Variants in DLG2 observed in about 807,000 individuals in gnomAD.
The protein encoded by DLG2 is disks large homolog 2.
DLG2 carries 45 observed loss-of-function variants against 132.5 expected under a neutral mutation model. The observed-to-expected ratio is 0.34, with a 90% CI of 0.27 to 0.44. The LOEUF is 0.44. DLG2 is among the 20% of genes least tolerant of loss of function. DLG2 has a pLI of 1.00. For synonymous variants in DLG2, 424 were observed against 419.6 expected, an observed-to-expected ratio of 1.01 and a Z score of -0.13; for missense variants, 1,045 against 1,196.9, an observed-to-expected ratio of 0.87 and a Z score of 1.87.
chr11:84,212,750 C>T (rs532338773), intron 8 of DLG2, among the ~76,000 whole-genome samples: 8 of 152,272 alleles, frequency 5.3e-5, no homozygotes, highest in Non-Finnish European at 7.4e-5. Context: ...ACCTCCGCCT[C>T]CCGGTTCAAG....
intron 11 of DLG2, among the ~76,000 whole-genome samples, chr11:84,012,952 T>C (rs553331489): frequency 5.3e-5 from 8 of 151,952 alleles, no homozygotes; most frequent in Non-Finnish European, 4.4e-5. Flanking sequence ...ATGTTATTAC[T>C]TCTATCAACA....
At chr11:83,533,314 G>C (rs1266496786) in intron 20 of DLG2, among the ~76,000 whole-genome samples, 2 of 152,094 alleles carry the variant, frequency 1.3e-5, no homozygotes, top group African/African-American at 4.8e-5. Flanking sequence ...TTGTTTTCCT[G>C]CTACCTCATT....
chr11:85,555,836 G>C (rs1158625794), intron 3 of DLG2, among the ~76,000 whole-genome samples: 1 of 151,774 alleles, frequency 6.6e-6, no homozygotes, highest in Non-Finnish European at 1.5e-5. Context: ...CTCCAGGCGA[G>C]TGCCCTTTGG....
intron 11 of DLG2, among the ~76,000 whole-genome samples, chr11:84,052,878 C>G (rs954598525): frequency 6.6e-6 from 1 of 151,788 alleles, no homozygotes; most frequent in Non-Finnish European, 1.5e-5. Flanking sequence ...GACCTAAAGG[C>G]AGATGTACCA....
intron 7 of DLG2, among the ~76,000 whole-genome samples, chr11:84,506,152 T>C (rs2099239769): frequency 1.4e-5 from 2 of 144,670 alleles, no homozygotes; most frequent in African/African-American, 5.4e-5. Flanking sequence ...CTCGGCTCAC[T>C]GCAAGCTCCG....
chr11:85,428,310 TCAAC>T (rs1448409869), intron 3 of DLG2, among the ~76,000 whole-genome samples: 2 of 152,126 alleles, frequency 1.3e-5, no homozygotes, highest in Non-Finnish European at 2.9e-5. Context: ...CCACCCCAAA[TCAAC>T]AGAATATACA....
chr11:84,902,150 G>A (rs777771309), intron 6 of DLG2, among the ~76,000 whole-genome samples: 93 of 152,026 alleles, frequency 6.1e-4, no homozygotes, highest in Admixed American at 1.7e-3. Flanking sequence ...AAATCTGGAC[G>A]CAGGCCTTGT....
intron 7 of DLG2, among the ~76,000 whole-genome samples, chr11:84,291,780 C>T (rs979866888): frequency 4.6e-5 from 7 of 152,170 alleles, no homozygotes; most frequent in African/African-American, 9.7e-5. Flanking sequence ...TAAAATGGAA[C>T]TAATATCTTC....
chr11:84,813,056 C>T (rs1049360108), intron 6 of DLG2, among the ~76,000 whole-genome samples: 2 of 152,028 alleles, frequency 1.3e-5, no homozygotes, highest in African/African-American at 2.4e-5. Flanking sequence ...GGCTGTTTAT[C>T]CTTAAAAAGG....
At chr11:84,604,574 G>T (rs1358065207) in intron 6 of DLG2, among the ~76,000 whole-genome samples, 2 of 151,938 alleles carry the variant, frequency 1.3e-5, no homozygotes, top group East Asian at 3.9e-4. Context: ...TGCTAGAGAT[G>T]GCATGGAACA....
At chr11:84,581,419 A>G (rs1028534258) in intron 6 of DLG2, among the ~76,000 whole-genome samples, 1 of 152,174 alleles carries the variant, frequency 6.6e-6, no homozygotes, top group Non-Finnish European at 1.5e-5. Context: ...CTATATATAC[A>G]GATGTTCATT....
intron 3 of DLG2, among the ~76,000 whole-genome samples, chr11:85,362,662 C>A (rs1192396866): frequency 6.6e-6 from 1 of 151,550 alleles, no homozygotes; most frequent in Non-Finnish European, 1.5e-5. Context: ...CTTTTCTTTA[C>A]AAAACATGCC....
chr11:85,119,246 G>A (rs1196641168), intron 5 of DLG2, among the ~76,000 whole-genome samples: 7 of 151,902 alleles, frequency 4.6e-5, no homozygotes, highest in African/African-American at 1.2e-4. Flanking sequence ...AGCCAAAACC[G>A]ATTCTGCAGT....
intron 6 of DLG2, among the ~76,000 whole-genome samples, chr11:84,784,942 TGTAAA>T (rs1163372404): frequency 2.0e-5 from 3 of 152,144 alleles, no homozygotes; most frequent in African/African-American, 7.2e-5. Context: ...AGAGAGTTGG[TGTAAA>T]GTATTCTCAT....
chr11:83,633,415 G>A (rs535185721), intron 18 of DLG2, 90 bp from the exon 19 acceptor site: 32 of 1,035,880 alleles, frequency 3.1e-5, no homozygotes, highest in Admixed American at 1.4e-4. Context: ...CACCCACGTT[G>A]TTGGTTCCTT....
At chr11:84,112,486 T>G (rs1412752671) in intron 9 of DLG2, among the ~76,000 whole-genome samples, 1 of 152,014 alleles carries the variant, frequency 6.6e-6, no homozygotes, top group Non-Finnish European at 1.5e-5. Flanking sequence ...ACAATATCTT[T>G]TTACTCTTTA....
chr11:84,147,903 T>G (rs2095144616), intron 9 of DLG2, among the ~76,000 whole-genome samples: 1 of 152,192 alleles, frequency 6.6e-6, no homozygotes, highest in African/African-American at 2.4e-5. Context: ...TAGCTAATAA[T>G]ACTGATAATC....
chr11:85,461,741 T>C (rs561994951), intron 3 of DLG2, among the ~76,000 whole-genome samples: 1 of 152,170 alleles, frequency 6.6e-6, no homozygotes, highest in East Asian at 1.9e-4. Context: ...ATCTAGCATG[T>C]AGTGAACTCC....
At chr11:84,763,832 T>C (rs1274244361) in intron 6 of DLG2, among the ~76,000 whole-genome samples, 2 of 152,174 alleles carry the variant, frequency 1.3e-5, no homozygotes, top group African/African-American at 4.8e-5. Flanking sequence ...TCACATATAT[T>C]GTGTGAGATA....
Sources: allele counts gnomAD v4.1 joint callset (sites outside exome capture counted in the v4.1 genomes callset), GRCh38; gene constraint gnomAD v4.1.1; transcripts MANE v1.5; gene names NCBI Gene and HGNC (gene_info 2026-07-23, HGNC 2026-07-21).